The following GLI2 variants were observed in gnomAD, a reference collection of about 807,000 sequenced individuals.
GLI2 encodes the protein transcription activator GLI2.
Under a neutral mutation model 78.9 loss-of-function variants are expected in GLI2, and 22 were observed. That is an observed-to-expected ratio of 0.28 (90% confidence interval 0.20 to 0.40). The LOEUF (loss-of-function observed/expected upper bound fraction) is 0.40, where lower values mean the gene tolerates loss of function less well. Among genes scored for constraint, GLI2 ranks in the 10% least tolerant of loss-of-function variants. The pLI is 1.00. For missense variants in GLI2, 2,097 were observed against 2,213.2 expected (o/e 0.95, Z 1.05); for synonymous variants, 974 against 963.7 (o/e 1.01, Z -0.20).
chr2:120,816,805 C>A (rs903594782), intron 2 of GLI2, among the ~76,000 whole-genome samples: 3 of 152,156 alleles, frequency 2.0e-5, no homozygotes, highest in African/African-American at 7.2e-5. Context: ...CAGTCTAATA[C>A]AGATCTAGAG....
intron 2 of GLI2, among the ~76,000 whole-genome samples, chr2:120,925,937 G>A (rs554420239): frequency 6.6e-6 from 1 of 152,012 alleles, no homozygotes; most frequent in Admixed American, 6.5e-5. Context: ...GCCGGGCGTG[G>A]TGTCGGGCAC....
intron 2 of GLI2, among the ~76,000 whole-genome samples, chr2:120,804,473 CGTGG>C (rs1684852233): frequency 6.6e-6 from 1 of 152,218 alleles, no homozygotes; most frequent in Non-Finnish European, 1.5e-5. Flanking sequence ...TGAGGCTGGC[CGTGG>C]TCTTTGGCCC....
intron 2 of GLI2, among the ~76,000 whole-genome samples, chr2:120,875,273 G>C: frequency 6.6e-6 from 1 of 152,260 alleles, no homozygotes; most frequent in East Asian, 1.9e-4. Context: ...GGTGCTAACA[G>C]GCACAGTGTG....
At chr2:120,760,618 G>C (rs114328020) in intron 1 of GLI2, among the ~76,000 whole-genome samples, 2,665 of 152,242 alleles carry the variant, frequency 0.018, 25 homozygotes, top group Non-Finnish European at 0.027. Flanking sequence ...GGGATGCAGC[G>C]TCCCCCTGTC....
chr2:120,917,405 A>G (rs965638983), intron 2 of GLI2, among the ~76,000 whole-genome samples: 11 of 152,222 alleles, frequency 7.2e-5, no homozygotes, highest in Non-Finnish European at 1.2e-4. Flanking sequence ...GGGCCCCGAG[A>G]TGGCACATGT....
chr2:120,744,820 G>A (rs1682648882), intron 1 of GLI2, among the ~76,000 whole-genome samples: 1 of 152,200 alleles, frequency 6.6e-6, no homozygotes, highest in South Asian at 2.1e-4. Flanking sequence ...GTTAAATATT[G>A]CAGAATCTTA....
At chr2:120,877,071 C>T (rs1012058480) in intron 2 of GLI2, among the ~76,000 whole-genome samples, 6 of 152,338 alleles carry the variant, frequency 3.9e-5, no homozygotes, top group East Asian at 1.9e-4. Context: ...TTGGGTCAGC[C>T]GGTGATGCAT....
At chr2:120,935,709 A>AC (rs1285746469) in intron 3 of GLI2, among the ~76,000 whole-genome samples, 2 of 151,592 alleles carry the variant, frequency 1.3e-5, no homozygotes, top group Admixed American at 1.3e-4. Context: ...GGGCATTTTG[A>AC]CCCCCCACCC....
At chr2:120,936,967 C>T (rs1311368028) in intron 3 of GLI2, among the ~76,000 whole-genome samples, 1 of 152,220 alleles carries the variant, frequency 6.6e-6, no homozygotes, top group Non-Finnish European at 1.5e-5. Context: ...GCCTCTGTCA[C>T]TGCAGCCAGC....
chr2:120,943,291 A>T (rs929376992), intron 3 of GLI2, among the ~76,000 whole-genome samples: 7 of 152,128 alleles, frequency 4.6e-5, no homozygotes, highest in African/African-American at 1.7e-4. Flanking sequence ...GGGGGAAGGG[A>T]TGAAGAGGGG....
intron 2 of GLI2, among the ~76,000 whole-genome samples, chr2:120,903,225 A>G (rs957228368): frequency 6.6e-6 from 1 of 152,134 alleles, no homozygotes; most frequent in African/African-American, 2.4e-5. Context: ...TCTCTAGTAA[A>G]AATACAAAAA....
Position 120,957,052 on chromosome 2 carries a change from A to G in GLI2, c.643+1622A>G, listed in dbSNP as rs1681304285. Among the ~76,000 whole-genome samples, 4 of 151,984 alleles carry G rather than the reference A, an allele frequency of 2.6e-5. No individual in the cohort carries two copies. In the South Asian group the frequency reaches 8.3e-4, roughly 32 times the overall value. ...TTTGCCTGGCCCACCTCATACTTAC[A>G]GCAACCACCTCACATTGCTCCTCAG... On this transcript the variant is annotated intron_variant, in intron 5 of 13. Transcript: ENST00000361492.
chr2:120,905,381 G>T (rs188827840), intron 2 of GLI2, among the ~76,000 whole-genome samples: 7 of 152,192 alleles, frequency 4.6e-5, no homozygotes, highest in Non-Finnish European at 7.4e-5. Flanking sequence ...GCCTACCAGA[G>T]GGGCCAGCGT....
chr2:120,861,022 T>C (rs1687877853), intron 2 of GLI2, among the ~76,000 whole-genome samples: 1 of 152,220 alleles, frequency 6.6e-6, no homozygotes, highest in Non-Finnish European at 1.5e-5. Flanking sequence ...GCTGGACCAC[T>C]CTGCCTTTAA....
intron 11 of GLI2, 24 bp from the exon 12 acceptor site, chr2:120,984,447 A>G (rs1320258501): frequency 6.2e-7 from 1 of 1,613,696 alleles, no homozygotes; most frequent in African/African-American, 1.3e-5. Flanking sequence ...CCTATCCATG[A>G]CACAGGCCTG....
intron 3 of GLI2, among the ~76,000 whole-genome samples, chr2:120,943,468 A>G (rs769162678): frequency 3.8e-4 from 58 of 152,320 alleles, no homozygotes; most frequent in Middle Eastern, 3.4e-3. Flanking sequence ...CACCCTGAGA[A>G]GCAGGCAGGT....
intron 1 of GLI2, among the ~76,000 whole-genome samples, chr2:120,775,122 C>T (rs570516562): frequency 6.6e-6 from 1 of 152,302 alleles, no homozygotes; most frequent in African/African-American, 2.4e-5. Context: ...GCCCACTTTC[C>T]TACCTATCAC....
chr2:120,745,581 C>T (rs1682670500), intron 1 of GLI2, among the ~76,000 whole-genome samples: 1 of 152,258 alleles, frequency 6.6e-6, no homozygotes, highest in South Asian at 2.1e-4. Flanking sequence ...GTCCTGCAGG[C>T]CTTGGAGACC....
chr2:120,746,352 CT>C (rs1169631759), intron 1 of GLI2, among the ~76,000 whole-genome samples: 1 of 152,140 alleles, frequency 6.6e-6, no homozygotes, highest in Non-Finnish European at 1.5e-5. Flanking sequence ...GTAAGGCAGC[CT>C]TGTGGAGCAC....
Sources: gnomAD v4.1 joint callset for allele counts (sites outside exome capture counted in the v4.1 genomes callset) on GRCh38, gnomAD v4.1.1 for gene constraint, MANE v1.5 for transcripts, NCBI Gene and HGNC (gene_info 2026-07-23, HGNC 2026-07-21) for gene names.